The following ZNF469 variants were observed in gnomAD, a reference collection of about 807,000 sequenced individuals.
ZNF469 encodes the protein zinc finger protein 469.
A neutral mutation model predicts 1.0 loss-of-function variants in ZNF469; 1 was observed. The observed-to-expected ratio is 1.00, with a 90% CI of 0.35 to 4.73. The LOEUF is 4.73. Among genes scored for constraint, ZNF469 ranks in the 30% most tolerant of loss-of-function variants. The probability of loss-of-function intolerance (pLI) is 0.16; values close to 1 mark genes in which losing one functional copy is unlikely to be tolerated. For missense variants in ZNF469, 6,100 were observed against 5,356.3 expected (o/e 1.14, Z -4.33); for synonymous variants, 2,703 against 2,363.4 (o/e 1.14, Z -4.17).
At chr16:88,214,724 C>T in the ZNF469 span, among the ~76,000 whole-genome samples, 1 of 152,046 alleles carries the variant, frequency 6.6e-6, no homozygotes, top group African/African-American at 2.4e-5. Flanking sequence ...TCATTGTTCA[C>T]CTCCCACCTA....
the ZNF469 span, among the ~76,000 whole-genome samples, chr16:88,162,725 C>G: frequency 6.6e-6 from 1 of 151,820 alleles, no homozygotes; most frequent in South Asian, 2.1e-4. Context: ...CCCTTGCCAC[C>G]CTGGCAGTGT....
chr16:88,407,427 CTG>C (rs958257266), intron 1 of ZNF469, among the ~76,000 whole-genome samples: 13 of 152,266 alleles, frequency 8.5e-5, no homozygotes, highest in African/African-American at 3.1e-4. Flanking sequence ...GCGTCACTCT[CTG>C]TATCTATAGC....
chr16:88,430,170 G>C lies in ZNF469; in HGVS notation c.2700G>C (p.Pro900=), dbSNP rs747652441. ...GVTPESKAPP[P]LPAATPDPQT... is the part of the protein sequence containing the mutation. ...CTCCAGAGAGCAAAGCTCCGCCCCC[G>C]CTCCCAGCAGCCACGCCGGACCCCC... The change falls in exon 3 of 3, where the codon CCG becomes CCC. Residue 900 remains proline (P), a synonymous_variant. Coordinates refer to ENST00000565624, the MANE Select transcript of ZNF469 (RefSeq NM_001367624.2). The C allele has an allele frequency of 6.8e-5, 105 of 1,548,684 alleles. No homozygotes were observed. The African/African-American group carries it at 1.3e-3, about 20-fold the overall frequency.
Position 88,438,978 on chromosome 16 carries a change from A to G in ZNF469, c.11508A>G (p.Arg3836=). The change falls in exon 3 of 3, where the codon AGA becomes AGG. Residue 3836 remains arginine, a synonymous_variant. Transcript: ENST00000565624. Reference sequence around the variant, plus strand: ...GTGAAAGTGTGGGGAGCTTCGGGAGAGCCCCCTCAGCCCCTGACAAGCCCC... The same window carrying G: ...GTGAAAGTGTGGGGAGCTTCGGGAGGGCCCCCTCAGCCCCTGACAAGCCCC... The part of the protein sequence containing the change: ...ARSESVGSFG[R]APSAPDKPPR... 1 of 1,550,232 alleles carries G rather than the reference A, an allele frequency of 6.5e-7. No individual in the cohort carries two copies. Among genetic ancestry groups the G allele is most frequent in the Non-Finnish European group, 8.7e-7 (1 of 1,146,920 alleles).
Position 88,434,227 on chromosome 16 carries a change from C to G in ZNF469, c.6757C>G (p.Pro2253Ala), listed in dbSNP as rs966101608. The change falls in exon 3 of 3, where the codon CCA becomes GCA. Residue 2253 changes from proline (P) to alanine (A), a missense_variant. Coordinates refer to ENST00000565624, the MANE Select transcript of ZNF469 (RefSeq NM_001367624.2). ...CCCCAAAGACAGCACTTTAAGAATT[C>G]CAGAGGATTCCAGAAAAGAGAAGCT... is the stretch of plus-strand genomic sequence containing the variant. ...DTPKDSTLRI[P>A]EDSRKEKLWE... 6.5e-7 allele frequency: 1 copy of G among 1,550,236 alleles called. No homozygotes were observed. The highest frequency in any genetic ancestry group is 1.4e-5 in the African/African-American group (1 of 73,046).
the ZNF469 span, among the ~76,000 whole-genome samples, chr16:88,234,171 G>A: frequency 6.6e-6 from 1 of 152,240 alleles, no homozygotes; most frequent in African/African-American, 2.4e-5. Context: ...GGTTGTGAAC[G>A]TAGCACCAAC....
At chr16:88,196,521 C>A in the ZNF469 span, among the ~76,000 whole-genome samples, 2 of 152,172 alleles carry the variant, frequency 1.3e-5, no homozygotes, top group Non-Finnish European at 2.9e-5. Flanking sequence ...TGGCCGACAG[C>A]CCCAACTAAA....
the ZNF469 span, among the ~76,000 whole-genome samples, chr16:88,101,423 G>C: frequency 1.3e-5 from 2 of 152,122 alleles, no homozygotes; most frequent in African/African-American, 4.8e-5. Context: ...TGCTGGCTTT[G>C]TCTTCTCTCC....
At chr16:88,201,370 C>G in the ZNF469 span, among the ~76,000 whole-genome samples, 1 of 152,144 alleles carries the variant, frequency 6.6e-6, no homozygotes, top group African/African-American at 2.4e-5. This position sits in a 1 kb window ranked among gnomAD's most constrained non-coding sequence, Gnocchi z 5.0. Flanking sequence ...GCCTGGCCAA[C>G]ATGGTGAAAC....
rs888479755 is a variant in ZNF469, at chr16:88,431,457, A to G, written c.3987A>G (p.Ala1329=). 1.3e-6 allele frequency: 2 copies of G among 1,550,346 alleles called. No homozygotes were observed. The highest frequency in any genetic ancestry group is 2.0e-5 in the Admixed American group (1 of 51,010). Residue 1329 remains alanine, a synonymous_variant, in exon 3 of 3, where the codon GCA becomes GCG. Coordinates refer to ENST00000565624, the MANE Select transcript of ZNF469 (RefSeq NM_001367624.2). ...PPARQPGEFL[A]PVANPSSTAC... ...CCCGCCAGCCTGGAGAATTTCTGGC[A>G]CCCGTGGCTAACCCCTCAAGTACCG...
chr16:88,237,737 C>T, the ZNF469 span, among the ~76,000 whole-genome samples: 1 of 112,700 alleles, frequency 8.9e-6, no homozygotes, highest in African/African-American at 3.0e-5. Context: ...GTGCTCCTGC[C>T]ACGCACCCTC....
chr16:88,382,776 T>C (rs1324353285), upstream of ZNF469, among the ~76,000 whole-genome samples: 1 of 152,162 alleles, frequency 6.6e-6, no homozygotes, highest in Non-Finnish European at 1.5e-5. Flanking sequence ...AGGCCTGCCA[T>C]TCTGGGGTGG....
chr16:88,197,238 G>A, the ZNF469 span, among the ~76,000 whole-genome samples: 2 of 152,180 alleles, frequency 1.3e-5, no homozygotes, highest in African/African-American at 2.4e-5. Flanking sequence ...ACGTCAGGAA[G>A]CACAGGTGCA....
the ZNF469 span, among the ~76,000 whole-genome samples, chr16:88,374,069 G>T: frequency 6.6e-6 from 1 of 152,028 alleles, no homozygotes; most frequent in African/African-American, 2.4e-5. Flanking sequence ...AATGAACGTA[G>T]TGTGTGGTGA....
chr16:88,294,395 G>T, the ZNF469 span, among the ~76,000 whole-genome samples: 1 of 152,156 alleles, frequency 6.6e-6, no homozygotes, highest in South Asian at 2.1e-4. Context: ...TGTCTCCTCA[G>T]TGGTTTAGGG....
chr16:88,168,967 G>C, the ZNF469 span, among the ~76,000 whole-genome samples: 1 of 152,174 alleles, frequency 6.6e-6, no homozygotes, highest in Non-Finnish European at 1.5e-5. The surrounding 1 kb of genome is among the most constrained non-coding windows in gnomAD (Gnocchi z 4.3). Context: ...AAGGGCAGGA[G>C]GGGGGCCTCC....
the ZNF469 span, among the ~76,000 whole-genome samples, chr16:88,222,450 G>T: frequency 0.011 from 1,670 of 152,240 alleles, 112 homozygotes; most frequent in East Asian, 0.18. Flanking sequence ...CATCATACCT[G>T]GCTAATAATT....
At chr16:88,282,229 G>C in the ZNF469 span, among the ~76,000 whole-genome samples, 3 of 152,196 alleles carry the variant, frequency 2.0e-5, no homozygotes, top group African/African-American at 7.2e-5. Context: ...ACAGCTCAGA[G>C]GGCAGTGCTG....
chr16:88,148,243 G>C, the ZNF469 span, among the ~76,000 whole-genome samples: 1 of 152,134 alleles, frequency 6.6e-6, no homozygotes, highest in Admixed American at 6.5e-5. Context: ...GTGGTGTTTT[G>C]CTCCTTCAGA....
Sources: gnomAD v4.1 joint callset for allele counts (sites outside exome capture counted in the v4.1 genomes callset) on GRCh38, gnomAD v4.1.1 for gene constraint, Gnocchi (gnomAD v3.1) non-coding constraint, MANE v1.5 for transcripts, NCBI Gene and HGNC (gene_info 2026-07-23, HGNC 2026-07-21) for gene names.